KHDRBS3: variants seen among roughly 807,000 people sequenced by gnomAD.
KHDRBS3 encodes the protein KH domain-containing, RNA-binding, signal transduction-associated protein 3.
Under a neutral mutation model 45.6 loss-of-function variants are expected in KHDRBS3, and 23 were observed. The ratio of observed to expected loss-of-function variants is 0.50; its 90% confidence interval spans 0.36 to 0.72. The LOEUF is 0.72. Ranked by LOEUF, KHDRBS3 falls within the 30% of genes least tolerant of loss-of-function variation. The pLI, the probability that KHDRBS3 is intolerant of heterozygous loss-of-function variation, is 0.00. For missense variants in KHDRBS3, 352 were observed against 424.8 expected, an observed-to-expected ratio of 0.83 and a Z score of 1.51; for synonymous variants, 162 against 156.5, an observed-to-expected ratio of 1.04 and a Z score of -0.26.
At chr8:135,561,768 A>ATGATGATCT (rs1217945524) in intron 5 of KHDRBS3, among the ~76,000 whole-genome samples, 1 of 152,112 alleles carries the variant, frequency 6.6e-6, no homozygotes, top group African/African-American at 2.4e-5. Flanking sequence ...CCTAGTGACG[A>ATGATGATCT]TGATGATCTT....
intron 2 of KHDRBS3, among the ~76,000 whole-genome samples, chr8:135,521,788 T>G (rs887050539): frequency 6.6e-6 from 1 of 152,136 alleles, no homozygotes. Context: ...CATACTGTTG[T>G]GTGTATTAGT....
chr8:135,497,322 G>C (rs1039433307), intron 1 of KHDRBS3, among the ~76,000 whole-genome samples: 2 of 152,146 alleles, frequency 1.3e-5, no homozygotes, highest in South Asian at 2.1e-4. Flanking sequence ...AGTCCTAAAG[G>C]CAGGTTTAGA....
chr8:135,491,709 C>T (rs1001072999), intron 1 of KHDRBS3, among the ~76,000 whole-genome samples: 42 of 152,162 alleles, frequency 2.8e-4, no homozygotes, highest in African/African-American at 1.0e-3. Flanking sequence ...CCTGGAGGTT[C>T]CTGAGACTCT....
Position 135,647,519 on chromosome 8 carries a change from G to A in KHDRBS3, c.*435G>A, listed in dbSNP as rs1388960772. On this transcript the variant is annotated 3_prime_UTR_variant, in exon 9 of 9. Transcript: ENST00000355849. ...GAAGCCAATTACAAGTGCAAATAAT[G>A]TGGTATTCTTTTGTAACTCAAGTCT... The A allele has an allele frequency of 6.5e-6, 1 of 152,980 alleles. No individual in the cohort carries two copies. The highest frequency in any genetic ancestry group is 1.5e-5 in the Non-Finnish European group (1 of 68,404). The allele number at this position is 152,980 out of a possible 1,614,324, so 9.5% of individuals were successfully genotyped here. A position where few individuals can be genotyped will look rare whatever the true frequency, so the allele number is the denominator to read the frequency against.
intron 6 of KHDRBS3, among the ~76,000 whole-genome samples, chr8:135,599,446 T>G (rs190861978): frequency 6.6e-6 from 1 of 152,226 alleles, no homozygotes; most frequent in Admixed American, 6.5e-5. Flanking sequence ...GAAAATGATA[T>G]AGGTGAGTTC....
chr8:135,497,126 G>A (rs182088785), intron 1 of KHDRBS3, among the ~76,000 whole-genome samples: 115 of 152,116 alleles, frequency 7.6e-4, no homozygotes, highest in African/African-American at 2.4e-3. Context: ...TGGGACCATC[G>A]TCGTCATTTG....
intron 7 of KHDRBS3, among the ~76,000 whole-genome samples, chr8:135,627,957 C>A (rs1830446385): frequency 6.6e-6 from 1 of 152,168 alleles, no homozygotes; most frequent in South Asian, 2.1e-4. Context: ...GACTTCTATT[C>A]TGATTCCATG....
chr8:135,515,217 T>G (rs1041990753), intron 1 of KHDRBS3, among the ~76,000 whole-genome samples: 9 of 151,410 alleles, frequency 5.9e-5, no homozygotes, highest in African/African-American at 2.2e-4. Context: ...ATACAAAAAA[T>G]TAGCCAGGCG....
At chr8:135,557,172 T>G (rs1357615204) in intron 4 of KHDRBS3, among the ~76,000 whole-genome samples, 1 of 152,204 alleles carries the variant, frequency 6.6e-6, no homozygotes, top group Non-Finnish European at 1.5e-5. Context: ...GTATTTTAAT[T>G]TTATTATAAA....
chr8:135,585,144 G>C (rs1828406420), intron 6 of KHDRBS3, among the ~76,000 whole-genome samples: 1 of 147,858 alleles, frequency 6.8e-6, no homozygotes, highest in Admixed American at 6.9e-5. Flanking sequence ...TGGGAGAATT[G>C]CTTGAACCCG....
intron 2 of KHDRBS3, among the ~76,000 whole-genome samples, chr8:135,537,844 GTTAT>G (rs1209496906): frequency 6.6e-6 from 1 of 152,176 alleles, no homozygotes; most frequent in East Asian, 1.9e-4. Flanking sequence ...GACAAATGAG[GTTAT>G]TTATACAAAT....
intron 7 of KHDRBS3, among the ~76,000 whole-genome samples, chr8:135,619,962 C>A (rs940757763): frequency 6.6e-6 from 1 of 152,072 alleles, no homozygotes; most frequent in African/African-American, 2.4e-5. Flanking sequence ...TCTAATCCCA[C>A]CAAATATAGC....
intron 1 of KHDRBS3, among the ~76,000 whole-genome samples, chr8:135,484,877 G>C (rs190074157): frequency 6.6e-6 from 1 of 152,250 alleles, no homozygotes; most frequent in Admixed American, 6.5e-5. Flanking sequence ...TTTATTGCCT[G>C]GGAGGTAGTA....
At chr8:135,643,713 TG>T (rs1831163435) in intron 7 of KHDRBS3, among the ~76,000 whole-genome samples, 1 of 152,260 alleles carries the variant, frequency 6.6e-6, no homozygotes, top group Non-Finnish European at 1.5e-5. Flanking sequence ...TCCGTGTGGT[TG>T]TGACCACAAG....
At chr8:135,559,013 C>T (rs1827033981) in intron 5 of KHDRBS3, among the ~76,000 whole-genome samples, 1 of 152,182 alleles carries the variant, frequency 6.6e-6, no homozygotes. Flanking sequence ...TCTCTTGTAT[C>T]TATAATCTTC....
chr8:135,485,678 G>A (rs1041540772), intron 1 of KHDRBS3, among the ~76,000 whole-genome samples: 9 of 151,680 alleles, frequency 5.9e-5, no homozygotes, highest in South Asian at 4.2e-4. Flanking sequence ...ATATAATCAC[G>A]CACAAATAGG....
chr8:135,566,362 G>A (rs1827413264), intron 5 of KHDRBS3, among the ~76,000 whole-genome samples: 1 of 152,144 alleles, frequency 6.6e-6, no homozygotes, highest in South Asian at 2.1e-4. Flanking sequence ...ATTAGAGGAG[G>A]AACTTGATTT....
intron 1 of KHDRBS3, among the ~76,000 whole-genome samples, chr8:135,491,233 C>T (rs1316364503): frequency 1.3e-5 from 2 of 152,108 alleles, no homozygotes; most frequent in Non-Finnish European, 2.9e-5. Context: ...TTTCACCTTT[C>T]TTGAGAGGAA....
At chr8:135,570,633 G>A (rs1827656240) in intron 5 of KHDRBS3, among the ~76,000 whole-genome samples, 1 of 152,060 alleles carries the variant, frequency 6.6e-6, no homozygotes, top group South Asian at 2.1e-4. Flanking sequence ...TTCTCTACCG[G>A]GTTTACCTGC....
Sources: gnomAD v4.1 joint callset for allele counts (sites outside exome capture counted in the v4.1 genomes callset) on GRCh38, gnomAD v4.1.1 for gene constraint, MANE v1.5 for transcripts, NCBI Gene and HGNC (gene_info 2026-07-23, HGNC 2026-07-21) for gene names.